Variants in DMD observed in about 807,000 individuals in gnomAD.
The protein encoded by DMD is dystrophin.
A neutral mutation model predicts 330.1 loss-of-function variants in DMD; 63 were observed. The ratio of observed to expected loss-of-function variants is 0.19; its 90% CI spans 0.16 to 0.24. The LOEUF (loss-of-function observed/expected upper bound fraction) is 0.24, where lower values mean the gene tolerates loss of function less well. DMD is among the 10% of genes least tolerant of loss of function. The pLI is 1.00. For missense variants in DMD, 3,344 were observed against 2,684.1 expected (o/e 1.25, Z -5.43); for synonymous variants, 1,223 against 959.8 (o/e 1.27, Z -5.07).
At chrX:33,008,781 C>CT (rs2093451257) in intron 2 of DMD, among the ~76,000 whole-genome samples, 2 of 35,388 alleles carry the variant, frequency 5.7e-5, no homozygotes, top group African/African-American at 2.7e-4. Flanking sequence ...TAACCTAAAA[C>CT]AACTATATAT....
chrX:31,383,188 C>G (rs1030039893), intron 60 of DMD, among the ~76,000 whole-genome samples: 1 of 111,248 alleles, frequency 9.0e-6, no homozygotes, highest in African/African-American at 3.3e-5. Flanking sequence ...CTCCTGCCCA[C>G]CAGAGGACAA....
chrX:31,153,339 C>G (rs973146810), intron 74 of DMD, among the ~76,000 whole-genome samples: 5 of 112,159 alleles, frequency 4.5e-5, no homozygotes, highest in Non-Finnish European at 9.4e-5. Flanking sequence ...GTGTCTCTCT[C>G]TAGGTGTGTT....
At position 31,272,386 on chromosome X, in the gene DMD, C is replaced by T. The variant is rs762440198; in HGVS notation, c.9225-11370G>A. 7.1e-5 allele frequency among the ~76,000 whole-genome samples: 8 copies of T among 112,123 alleles called. No individual in the cohort carries two copies. The South Asian group carries it at 2.6e-3, about 37-fold the overall frequency. ...ACCACCTCCTGCTAAAAATGGATCACTGGTTAATGTGGTTCAAGTATATCT... is the reference window on the plus strand; with the variant it reads ...ACCACCTCCTGCTAAAAATGGATCATTGGTTAATGTGGTTCAAGTATATCT... On this transcript the variant is annotated intron_variant, in intron 62 of 78. Coordinates refer to ENST00000357033, the MANE Select transcript of DMD (RefSeq NM_004006.3).
intron 1 of DMD, among the ~76,000 whole-genome samples, chrX:33,100,559 C>T (rs1387755475): frequency 9.1e-6 from 1 of 110,350 alleles, no homozygotes; most frequent in East Asian, 2.9e-4. Flanking sequence ...GGGATGGTGG[C>T]GCATGCCTGT....
intron 54 of DMD, among the ~76,000 whole-genome samples, chrX:31,647,038 A>G (rs1454487803): frequency 8.9e-6 from 1 of 111,894 alleles, no homozygotes; most frequent in East Asian, 2.8e-4. Flanking sequence ...TTGCATTTAC[A>G]TTACATCTTT....
At chrX:33,147,231 G>C (rs188341469) in intron 1 of DMD, among the ~76,000 whole-genome samples, 2 of 112,230 alleles carry the variant, frequency 1.8e-5, no homozygotes, top group South Asian at 3.7e-4. Context: ...AAATGAGAGG[G>C]AGGTGCATTT....
chrX:32,676,183 A>G (rs1434364308), intron 9 of DMD, among the ~76,000 whole-genome samples: 1 of 111,610 alleles, frequency 9.0e-6, no homozygotes, highest in Admixed American at 9.5e-5. Context: ...AACATTTTAT[A>G]AGGTGTGAAG....
At chrX:32,521,713 A>G (rs912901723) in intron 17 of DMD, among the ~76,000 whole-genome samples, 1 of 112,472 alleles carries the variant, frequency 8.9e-6, no homozygotes, top group African/African-American at 3.2e-5. Flanking sequence ...CCCTCAAACT[A>G]GTACTCTATC....
intron 7 of DMD, among the ~76,000 whole-genome samples, chrX:32,745,333 T>G (rs1346673367): frequency 1.8e-5 from 2 of 112,323 alleles, no homozygotes; most frequent in African/African-American, 6.5e-5. Context: ...ATATCCAAGT[T>G]TCTGATCTTG....
intron 2 of DMD, among the ~76,000 whole-genome samples, chrX:32,947,411 CA>C (rs2090895630): frequency 1.8e-5 from 2 of 111,674 alleles, no homozygotes; most frequent in African/African-American, 6.5e-5. Context: ...TTCTTGACAT[CA>C]TTTGGGGCCA....
intron 60 of DMD, among the ~76,000 whole-genome samples, chrX:31,402,449 C>G (rs145862234): frequency 8.9e-6 from 1 of 111,872 alleles, no homozygotes; most frequent in African/African-American, 3.2e-5. Flanking sequence ...GGCTGCTTCA[C>G]TAACTAGTTG....
intron 1 of DMD, among the ~76,000 whole-genome samples, chrX:33,153,620 T>C (rs748950764): frequency 8.9e-6 from 1 of 112,792 alleles, no homozygotes; most frequent in Non-Finnish European, 1.9e-5. Context: ...AGATTTAATA[T>C]TGAAATATAT....
chrX:31,494,677 C>T (rs1284745253), intron 57 of DMD, among the ~76,000 whole-genome samples: 2 of 111,975 alleles, frequency 1.8e-5, no homozygotes, highest in Non-Finnish European at 3.8e-5. Flanking sequence ...TCTTAACAAG[C>T]AACCAAAACT....
intron 59 of DMD, among the ~76,000 whole-genome samples, chrX:31,465,636 T>C (rs1409596921): frequency 8.9e-6 from 1 of 112,030 alleles, no homozygotes; most frequent in Non-Finnish European, 1.9e-5. Context: ...TCCAAGTCTT[T>C]GCTATTGTGA....
chrX:32,949,291 C>T (rs72626065), intron 2 of DMD, among the ~76,000 whole-genome samples: 7,707 of 98,181 alleles, frequency 0.078, 273 homozygotes, highest in East Asian at 0.17. Flanking sequence ...CACACACACA[C>T]GCACACATAA....
In DMD at chrX:31,888,951, A is replaced by G. The variant is rs772257202; in HGVS notation, c.6913-13578T>C. Among the ~76,000 whole-genome samples the G allele has an allele frequency of 3.6e-5, 4 of 112,342 alleles. No homozygotes were observed. In the South Asian group the frequency reaches 1.1e-3, roughly 31 times the overall value. ...TTTTACTTACGATGCTTATACATCT[A>G]TATTTCCTACATTGTTTCCAGTTTT... On this transcript the variant is annotated intron_variant, in intron 47 of 78. Transcript: ENST00000357033.
chrX:32,870,980 A>AAAG (rs1557104331), intron 2 of DMD, among the ~76,000 whole-genome samples: 814 of 37,229 alleles, frequency 0.022, 60 homozygotes, highest in African/African-American at 0.072. Flanking sequence ...AAAAAAAAAA[A>AAAG]AAAAAAAACC....
chrX:32,543,410 C>G (rs1273271627), intron 17 of DMD, among the ~76,000 whole-genome samples: 1 of 110,300 alleles, frequency 9.1e-6, no homozygotes, highest in African/African-American at 3.3e-5. Context: ...TGACATGAAT[C>G]AGCTTGCTCT....
intron 44 of DMD, among the ~76,000 whole-genome samples, chrX:32,105,624 G>A (rs2096560882): frequency 9.0e-6 from 1 of 111,731 alleles, no homozygotes; most frequent in Non-Finnish European, 1.9e-5. Context: ...TATTATTCAT[G>A]CTTCATAATA....
Sources: gnomAD v4.1 joint callset for allele counts (sites outside exome capture counted in the v4.1 genomes callset) on GRCh38, gnomAD v4.1.1 for gene constraint, MANE v1.5 for transcripts, NCBI Gene and HGNC (gene_info 2026-07-23, HGNC 2026-07-21) for gene names.